The following DAB1 variants were observed in gnomAD, a reference collection of about 807,000 sequenced individuals.
DAB1 encodes DAB adaptor protein 1.
Under a neutral mutation model 64.6 loss-of-function variants are expected in DAB1, and 15 were observed. The ratio of observed to expected loss-of-function variants is 0.23; its 90% CI spans 0.16 to 0.36. The LOEUF is 0.36. Among genes scored for constraint, DAB1 ranks in the 10% least tolerant of loss-of-function variants. The pLI is 1.00. For missense variants in DAB1, 596 were observed against 706.7 expected (o/e 0.84, Z 1.78); for synonymous variants, 235 against 251.9 (o/e 0.93, Z 0.64).
intron 2 of DAB1, among the ~76,000 whole-genome samples, chr1:57,246,724 G>C (rs1345299414): frequency 6.6e-6 from 1 of 152,222 alleles, no homozygotes; most frequent in Non-Finnish European, 1.5e-5. Flanking sequence ...GAGCAACCTC[G>C]GGGGCTATAT....
At chr1:57,013,084 C>G (rs1646313674) in intron 12 of DAB1, among the ~76,000 whole-genome samples, 1 of 152,212 alleles carries the variant, frequency 6.6e-6, no homozygotes, top group Admixed American at 6.5e-5. Flanking sequence ...TGATTAGAGG[C>G]CAGCGTTGCT....
chr1:57,237,264 G>A (rs1668159030), intron 2 of DAB1, among the ~76,000 whole-genome samples: 1 of 152,188 alleles, frequency 6.6e-6, no homozygotes, highest in African/African-American at 2.4e-5. Context: ...GGATGAAGCA[G>A]GCACTGTCCA....
At position 57,258,766 on chromosome 1, in the gene DAB1, ACAT is replaced by A. The variant is rs1416713056; in HGVS notation, c.67+32195_67+32197del. Among the ~76,000 whole-genome samples the A allele has an allele frequency of 2.0e-5, 3 of 152,200 alleles. No homozygotes were observed. The East Asian group carries it at 5.8e-4, about 29-fold the overall frequency. Reference sequence around the variant, plus strand: ...AATCATCTGTGAACCTGGATGTGACACATCGAGTCTTAAATAGATGGGAGTGGG... The same window carrying A: ...AATCATCTGTGAACCTGGATGTGACACGAGTCTTAAATAGATGGGAGTGGG... On this transcript the variant is annotated intron_variant, in intron 2 of 14. Coordinates refer to ENST00000371236, the MANE Select transcript of DAB1 (RefSeq NM_001365792.1).
chr1:57,637,047 G>C (rs1016578361), intron 7 of DAB1, among the ~76,000 whole-genome samples: 14 of 152,022 alleles, frequency 9.2e-5, no homozygotes, highest in Middle Eastern at 3.2e-3. Flanking sequence ...GTATGCAGGG[G>C]CTTTTTTTAT....
At chr1:58,482,822 G>C (rs894314986) in intron 3 of DAB1, among the ~76,000 whole-genome samples, 1 of 152,116 alleles carries the variant, frequency 6.6e-6, no homozygotes, top group Non-Finnish European at 1.5e-5. Flanking sequence ...GAAGAAGCAG[G>C]TACAGCCGAG....
intron 5 of DAB1, among the ~76,000 whole-genome samples, chr1:58,123,187 G>T (rs1028276100): frequency 6.6e-6 from 1 of 152,230 alleles, no homozygotes; most frequent in Admixed American, 6.5e-5. Context: ...TAGGCCCATG[G>T]GGAGAGAAAA....
At chr1:58,228,292 T>C (rs948529566) in intron 4 of DAB1, among the ~76,000 whole-genome samples, 5 of 152,274 alleles carry the variant, frequency 3.3e-5, no homozygotes, top group Non-Finnish European at 7.4e-5. Flanking sequence ...GCAGTAGATG[T>C]TAGGTAATAA....
chr1:58,308,386 G>C (rs1662354176), intron 4 of DAB1, among the ~76,000 whole-genome samples: 1 of 151,986 alleles, frequency 6.6e-6, no homozygotes, highest in Admixed American at 6.6e-5. Flanking sequence ...ATGGGGTTGG[G>C]GGGAGTGATG....
intron 6 of DAB1, among the ~76,000 whole-genome samples, chr1:57,777,141 CTTTTTTT>C (rs71051255): frequency 8.8e-5 from 8 of 90,404 alleles, no homozygotes; most frequent in East Asian, 3.5e-4. Context: ...TTCTGAATTT[CTTTTTTT>C]TTTTTTTTTT....
At chr1:57,333,413 T>G (rs986014050) in intron 1 of DAB1, among the ~76,000 whole-genome samples, 1 of 152,258 alleles carries the variant, frequency 6.6e-6, no homozygotes, top group African/African-American at 2.4e-5. Context: ...ACAGGGTTGC[T>G]GTCAATAGGA....
intron 2 of DAB1, among the ~76,000 whole-genome samples, chr1:57,241,094 G>A (rs1668461600): frequency 6.6e-6 from 1 of 152,170 alleles, no homozygotes. Flanking sequence ...ATCTGGCAGA[G>A]GTTGTCTTAT....
At chr1:57,896,481 T>C (rs930146958) in intron 5 of DAB1, among the ~76,000 whole-genome samples, 1 of 151,872 alleles carries the variant, frequency 6.6e-6, no homozygotes, top group Admixed American at 6.6e-5. Context: ...ATAGGAAATA[T>C]GTTCTTTGCC....
At chr1:57,775,877 A>C (rs1483821316) in intron 6 of DAB1, among the ~76,000 whole-genome samples, 1 of 151,610 alleles carries the variant, frequency 6.6e-6, no homozygotes, top group Non-Finnish European at 1.5e-5. Flanking sequence ...ATGTATTTTG[A>C]AGCTTCAAAA....
chr1:58,373,786 G>T (rs920876700), intron 3 of DAB1, among the ~76,000 whole-genome samples: 1 of 151,348 alleles, frequency 6.6e-6, no homozygotes, highest in Non-Finnish European at 1.5e-5. Flanking sequence ...CTAGTTTACA[G>T]TCCCACCAAC....
intron 5 of DAB1, among the ~76,000 whole-genome samples, chr1:57,946,767 C>A (rs933814751): frequency 7.2e-5 from 11 of 152,202 alleles, no homozygotes; most frequent in African/African-American, 2.7e-4. Flanking sequence ...TGTATTATCT[C>A]TTTTTGGTTA....
chr1:57,889,786 A>G (rs1644278670), intron 5 of DAB1, among the ~76,000 whole-genome samples: 1 of 151,668 alleles, frequency 6.6e-6, no homozygotes, highest in African/African-American at 2.4e-5. Flanking sequence ...TTATATATTA[A>G]TGAAGTGCTG....
downstream of DAB1, among the ~76,000 whole-genome samples, chr1:57,822,294 T>G (rs1652156472): frequency 6.6e-6 from 1 of 152,168 alleles, no homozygotes; most frequent in African/African-American, 2.4e-5. Context: ...GAAGTGTTTC[T>G]TCTATCCAAA....
At chr1:57,676,752 C>A (rs1199913478) in intron 6 of DAB1, among the ~76,000 whole-genome samples, 1 of 152,164 alleles carries the variant, frequency 6.6e-6, no homozygotes, top group Non-Finnish European at 1.5e-5. Context: ...ATATGCCATG[C>A]CTTTCAATGG....
At chr1:57,521,870 G>A (rs1644531142) in intron 7 of DAB1, among the ~76,000 whole-genome samples, 1 of 152,176 alleles carries the variant, frequency 6.6e-6, no homozygotes, top group East Asian at 1.9e-4. Context: ...AGCACTTTGG[G>A]TGGCTGAGGC....
Sources: allele counts gnomAD v4.1 joint callset (sites outside exome capture counted in the v4.1 genomes callset), GRCh38; gene constraint gnomAD v4.1.1; transcripts MANE v1.5; gene names NCBI Gene and HGNC (gene_info 2026-07-23, HGNC 2026-07-21).